DOCK10: variants seen among roughly 807,000 people sequenced by gnomAD.
DOCK10 encodes the protein dedicator of cytokinesis protein 10.
Under a neutral mutation model 280.1 loss-of-function variants are expected in DOCK10, and 145 were observed. The observed-to-expected ratio is 0.52, with a 90% confidence interval of 0.45 to 0.59. DOCK10 has a LOEUF of 0.59. Among genes scored for constraint, DOCK10 ranks in the 20% least tolerant of loss-of-function variants. DOCK10 has a pLI of 0.00. For missense variants in DOCK10, 2,368 were observed against 2,651.7 expected, an observed-to-expected ratio of 0.89 and a Z score of 2.35; for synonymous variants, 915 against 942.2, an observed-to-expected ratio of 0.97 and a Z score of 0.53.
intron 7 of DOCK10, among the ~76,000 whole-genome samples, chr2:224,883,407 G>A (rs1197256296): frequency 2.0e-5 from 3 of 152,082 alleles, no homozygotes; most frequent in Non-Finnish European, 4.4e-5. Context: ...AACACACTTA[G>A]GAAAAAATAT....
chr2:224,875,347 A>G (rs1698555766), intron 8 of DOCK10, among the ~76,000 whole-genome samples: 1 of 152,194 alleles, frequency 6.6e-6, no homozygotes, highest in Admixed American at 6.5e-5. Context: ...TTTCTAATGT[A>G]CCATGTGCTA....
intron 47 of DOCK10, among the ~76,000 whole-genome samples, chr2:224,789,545 A>G (rs184272614): frequency 1.3e-3 from 199 of 152,286 alleles, no homozygotes; most frequent in Admixed American, 3.6e-3. Context: ...CAAAACATTA[A>G]TATTTGAGAA....
chr2:224,787,479 A>G, intron 48 of DOCK10, 82 bp from the exon 49 acceptor site: 1 of 1,554,644 alleles, frequency 6.4e-7, no homozygotes, highest in South Asian at 1.2e-5. Flanking sequence ...AAGCTGTTGC[A>G]TTGTCAAACT....
At chr2:224,879,587 G>A (rs1269075266) in intron 7 of DOCK10, among the ~76,000 whole-genome samples, 2 of 151,976 alleles carry the variant, frequency 1.3e-5, no homozygotes, top group South Asian at 2.1e-4. Context: ...GTGAAACCCT[G>A]TCTCTACTAA....
rs370047057 is a variant in DOCK10, at chr2:224,839,966, G to A, written c.2768C>T (p.Thr923Ile). The A allele has an allele frequency of 1.3e-6, 2 of 1,508,430 alleles. No homozygotes were observed. The highest frequency in any genetic ancestry group is 1.8e-6 in the Non-Finnish European group (2 of 1,106,772). 93.4% of individuals were successfully genotyped at this position (1,508,430 alleles called of 1,614,324 possible). A position where few individuals can be genotyped will look rare whatever the true frequency, so the allele number is the denominator to read the frequency against. The change falls in exon 24 of 56, where the codon ACA (threonine) becomes ATA (isoleucine). Residue 923 changes from threonine to isoleucine, a missense_variant. This residue lies in a region of DOCK10 where 1,209 missense variants were observed against 1,250.9 expected (regional missense o/e 0.97). Coordinates refer to ENST00000258390, the MANE Select transcript of DOCK10 (RefSeq NM_014689.3). ...LVQNEEDEIT[T>I]TVTRVLTDIV... ...GTGTTATGGATACCTGGTGACAGTT[G>A]TAGTTATTTCATCTTCCTCATTCTG...
chr2:224,783,272 A>AT, intron 50 of DOCK10, among the ~76,000 whole-genome samples: 1 of 124,764 alleles, frequency 8.0e-6, no homozygotes, highest in Non-Finnish European at 1.7e-5. Context: ...CTCAGACTGG[A>AT]ATTTTTTTTT....
intron 1 of DOCK10, among the ~76,000 whole-genome samples, chr2:225,041,159 A>T (rs1233490350): frequency 6.6e-6 from 1 of 152,300 alleles, no homozygotes; most frequent in African/African-American, 2.4e-5. Flanking sequence ...TGGCTGTGGG[A>T]ACTGGCTCTG....
At chr2:224,984,917 C>T (rs1025680131) in intron 1 of DOCK10, among the ~76,000 whole-genome samples, 1 of 150,162 alleles carries the variant, frequency 6.7e-6, no homozygotes, top group Non-Finnish European at 1.5e-5. Flanking sequence ...TCTTGGCTCA[C>T]TGCAACCTCG....
At chr2:224,800,087 T>C in intron 41 of DOCK10, 64 bp downstream of exon 41, 1 of 958,768 alleles carries the variant, frequency 1.0e-6, no homozygotes, top group Non-Finnish European at 1.6e-6. Flanking sequence ...TGTTTTTGAC[T>C]TCACATGGTT....
intron 1 of DOCK10, among the ~76,000 whole-genome samples, chr2:225,005,245 G>T (rs1310106222): frequency 6.6e-6 from 1 of 152,182 alleles, no homozygotes; most frequent in Non-Finnish European, 1.5e-5. Context: ...GATTACCACT[G>T]TTATCCCATA....
At chr2:224,979,343 C>A (rs1296156456) in intron 1 of DOCK10, among the ~76,000 whole-genome samples, 3 of 152,224 alleles carry the variant, frequency 2.0e-5, no homozygotes, top group Non-Finnish European at 4.4e-5. Flanking sequence ...TCATCAAGAT[C>A]ACACAGCTAG....
chr2:224,856,756 T>C, intron 15 of DOCK10, 104 bp downstream of exon 15: 2 of 1,092,370 alleles, frequency 1.8e-6, no homozygotes, highest in South Asian at 2.3e-5. Flanking sequence ...ATCTGCTTTC[T>C]GGAGGTTTGG....
intron 1 of DOCK10, among the ~76,000 whole-genome samples, chr2:225,001,978 G>C (rs765701850): frequency 3.3e-5 from 5 of 152,176 alleles, no homozygotes; most frequent in Admixed American, 6.5e-5. Context: ...ATGTGAATCT[G>C]GGGGGAGATG....
chr2:224,942,859 TA>T (rs200837310), intron 1 of DOCK10, among the ~76,000 whole-genome samples: 2,996 of 152,262 alleles, frequency 0.02, 94 homozygotes, highest in African/African-American at 0.068. Context: ...TAATGACCCA[TA>T]AACCAGTAAC....
intron 1 of DOCK10, among the ~76,000 whole-genome samples, chr2:225,010,012 G>A (rs1366955278): frequency 6.6e-6 from 1 of 152,132 alleles, no homozygotes; most frequent in Non-Finnish European, 1.5e-5. Context: ...TGTGGCTAAG[G>A]AGCCTAAAGG....
At chr2:224,837,509 A>G (rs1222846726) in intron 25 of DOCK10, among the ~76,000 whole-genome samples, 2 of 152,210 alleles carry the variant, frequency 1.3e-5, no homozygotes, top group African/African-American at 4.8e-5. Flanking sequence ...TTTCTCCTCT[A>G]TCTTTTTCTT....
Position 224,834,276 on chromosome 2 carries a change from CA to C in DOCK10, c.2851-14del. 1 of 1,437,616 alleles carries C rather than the reference CA, an allele frequency of 7.0e-7. No homozygotes were observed. Among genetic ancestry groups the C allele is most frequent in the Non-Finnish European group, 9.8e-7 (1 of 1,024,368 alleles). 89.1% of individuals were successfully genotyped at this position (1,437,616 alleles called of 1,614,324 possible). On this transcript the variant is annotated splice_polypyrimidine_tract_variant and intron_variant, in intron 25 of 55. Coordinates refer to ENST00000258390, the MANE Select transcript of DOCK10 (RefSeq NM_014689.3). ...TCTTGAACACGAACTGAAGAAAATC[CA>C]AAAAGTGAATAAAGTTAAATACTTT...
chr2:225,025,642 G>A (rs748480303), intron 1 of DOCK10, among the ~76,000 whole-genome samples: 1 of 152,132 alleles, frequency 6.6e-6, no homozygotes, highest in Non-Finnish European at 1.5e-5. Flanking sequence ...AAAAGTCCCT[G>A]AACCTGTTAC....
At chr2:224,942,590 C>T (rs1302113664) in intron 1 of DOCK10, among the ~76,000 whole-genome samples, 3 of 152,168 alleles carry the variant, frequency 2.0e-5, no homozygotes, top group East Asian at 1.9e-4. Context: ...TAGCACCTAA[C>T]GAAGCACAGA....
Sources: allele counts gnomAD v4.1 joint callset (sites outside exome capture counted in the v4.1 genomes callset), GRCh38; gene constraint gnomAD v4.1.1; regional missense constraint gnomAD v4.1.1; transcripts MANE v1.5; gene names NCBI Gene and HGNC (gene_info 2026-07-23, HGNC 2026-07-21).